The following TRPM4 variants were observed in gnomAD, a reference collection of about 807,000 sequenced individuals.
TRPM4 encodes the protein transient receptor potential cation channel subfamily M member 4.
A neutral mutation model predicts 135.6 loss-of-function variants in TRPM4; 124 were observed. The ratio of observed to expected loss-of-function variants is 0.91; its 90% CI spans 0.79 to 1.06. The LOEUF (loss-of-function observed/expected upper bound fraction) is 1.06, where lower values mean the gene tolerates loss of function less well. TRPM4 is among the 50% of genes least tolerant of loss of function. The pLI is 0.00. For missense variants in TRPM4, 1,658 were observed against 1,671.4 expected, an observed-to-expected ratio of 0.99 and a Z score of 0.14; for synonymous variants, 745 against 705.6, an observed-to-expected ratio of 1.06 and a Z score of -0.88.
At chr19:49,189,246 C>T (rs1310316930) in intron 14 of TRPM4, among the ~76,000 whole-genome samples, 155 bp downstream of exon 14, 2 of 152,222 alleles carry the variant, frequency 1.3e-5, no homozygotes, top group Non-Finnish European at 1.5e-5. Context: ...AGAAAGGCTG[C>T]TCTTCCCATA....
chr19:49,182,831 T>A lies in TRPM4; in HGVS notation c.1517T>A (p.Val506Glu). ...AELRPPDVGH[V>E]LRMLLGKMCA... is the part of the protein sequence containing the mutation. ...CTCCGGCCCCCTGACGTGGGGCATG[T>A]GCTGAGGATGCTGCTGGGGAAGATG... is the stretch of plus-strand genomic sequence containing the variant. Residue 506 changes from valine (V) to glutamate (E), a missense_variant, in exon 11 of 25, where the codon GTG becomes GAG. Transcript: ENST00000252826. 1 of 1,613,002 alleles carries A rather than the reference T, an allele frequency of 6.2e-7. No homozygotes were observed. Among genetic ancestry groups the A allele is most frequent in the South Asian group, 1.1e-5 (1 of 91,038 alleles).
At chr19:49,200,463 G>A (rs1408322721) in intron 18 of TRPM4, 31 bp downstream of exon 18, 3 of 1,608,280 alleles carry the variant, frequency 1.9e-6, no homozygotes, top group African/African-American at 1.3e-5. Context: ...AAGTGGGCGG[G>A]GACATAGGGA....
chr19:49,182,553 T>C (rs1968019655), intron 10 of TRPM4, 25 bp from the exon 11 acceptor site: 4 of 1,598,972 alleles, frequency 2.5e-6, no homozygotes, highest in Non-Finnish European at 2.6e-6. Context: ...GCTAATCTCT[T>C]CCCCTATTCA....
intron 20 of TRPM4, among the ~76,000 whole-genome samples, chr19:49,204,105 G>A (rs2145979372): frequency 6.6e-6 from 1 of 152,312 alleles, no homozygotes; most frequent in South Asian, 2.1e-4. Context: ...GGGCAACAGA[G>A]CGAGACTCCA....
chr19:49,204,146 C>T (rs1324286504), intron 20 of TRPM4, among the ~76,000 whole-genome samples: 1 of 152,170 alleles, frequency 6.6e-6, no homozygotes, highest in South Asian at 2.1e-4. Flanking sequence ...ATTTGATTTA[C>T]CCGCTCATCT....
rs755397270 is a variant in TRPM4, at chr19:49,183,240, C to A, written c.1743+28C>A. The A allele has an allele frequency of 1.9e-6, 3 of 1,613,806 alleles. No homozygotes were observed. In the Admixed American group the frequency reaches 5.0e-5, roughly 27 times the overall value. On this transcript the variant is annotated intron_variant, in intron 12 of 24. Coordinates refer to ENST00000252826, the MANE Select transcript of TRPM4 (RefSeq NM_017636.4). ...GAGTGCTGACTTGGCGCTCCTGCAT[C>A]CCTGTCCTTTAGGCCACTGGATGCC...
At chr19:49,202,264 G>A (rs1373196585) in intron 20 of TRPM4, 123 bp downstream of exon 20, 3 of 1,201,638 alleles carry the variant, frequency 2.5e-6, no homozygotes, top group East Asian at 2.4e-5. Flanking sequence ...ATCTAATGCT[G>A]CCTTCTCCCC....
At chr19:49,174,345 G>C (rs562132919) in intron 9 of TRPM4, among the ~76,000 whole-genome samples, 1 of 151,980 alleles carries the variant, frequency 6.6e-6, no homozygotes, top group African/African-American at 2.4e-5. Context: ...TAGAGACGGT[G>C]TTTCACCATG....
chr19:49,171,209 T>TA lies in TRPM4; in HGVS notation c.797-141dup. ...TTTCTAAAATAAATACATAATTAAG[T>TA]AAAAAAAGAAATGACAATTCCAATG... On this transcript the variant is annotated intron_variant, in intron 6 of 24. Coordinates refer to ENST00000252826, the MANE Select transcript of TRPM4 (RefSeq NM_017636.4). The surrounding 1 kb of genome is among the most constrained non-coding windows in gnomAD (Gnocchi z 4.7). 4.5e-6 allele frequency: 4 copies of TA among 880,254 alleles called. No homozygotes were observed. Among genetic ancestry groups the TA allele is most frequent in the South Asian group, 3.0e-5 (2 of 67,652 alleles). 54.5% of individuals were successfully genotyped at this position (880,254 alleles called of 1,614,324 possible). A position where few individuals can be genotyped will look rare whatever the true frequency, so the allele number is the denominator to read the frequency against.
Position 49,211,111 on chromosome 19 carries a change from G to C in TRPM4, c.3534+24G>C. 1 of 1,613,386 alleles carries C rather than the reference G, an allele frequency of 6.2e-7. No individual in the cohort carries two copies. The highest frequency in any genetic ancestry group is 1.1e-5 in the South Asian group (1 of 90,864). ...AGGTGAGGCCTTGGGGCCTGGCTGG[G>C]GGACTGTGGCAGGGGTCCCATCTCC... On this transcript the variant is annotated intron_variant, in intron 23 of 24. Transcript: ENST00000252826. This position sits in a 1 kb window ranked among gnomAD's most constrained non-coding sequence, Gnocchi z 4.8.
intron 9 of TRPM4, among the ~76,000 whole-genome samples, chr19:49,179,261 G>C (rs571474056): frequency 1.3e-5 from 2 of 150,460 alleles, no homozygotes; most frequent in African/African-American, 2.5e-5. Flanking sequence ...CTCCATGTTG[G>C]TCAGGCTGGT....
chr19:49,195,396 A>G (rs1439327625), intron 16 of TRPM4, among the ~76,000 whole-genome samples: 4 of 151,130 alleles, frequency 2.6e-5, no homozygotes, highest in Non-Finnish European at 5.9e-5. Flanking sequence ...TTTGAGACGG[A>G]GTTTTGCTCT....
At chr19:49,184,931 C>CT (rs67365636) in intron 12 of TRPM4, among the ~76,000 whole-genome samples, 5,129 of 146,134 alleles carry the variant, frequency 0.035, 147 homozygotes, top group African/African-American at 0.07. Flanking sequence ...GTGTTTTTTT[C>CT]TTTTTTTTTT....
intron 2 of TRPM4, among the ~76,000 whole-genome samples, chr19:49,162,945 A>G (rs1357173714): frequency 6.6e-6 from 1 of 151,938 alleles, no homozygotes; most frequent in African/African-American, 2.4e-5. Context: ...TATTTTTAGT[A>G]GAAACAGGGT....
intron 9 of TRPM4, 42 bp downstream of exon 9, chr19:49,172,150 A>G (rs750444165): frequency 4.9e-6 from 7 of 1,442,226 alleles, no homozygotes; most frequent in South Asian, 2.3e-5. Context: ...TCTCAGTTCA[A>G]CCTTAGACAC....
intron 9 of TRPM4, among the ~76,000 whole-genome samples, chr19:49,176,712 G>A (rs962568743): frequency 1.3e-5 from 2 of 152,138 alleles, no homozygotes; most frequent in African/African-American, 2.4e-5. Context: ...ATTAGCTGGC[G>A]TGGTGGCGGG....
chr19:49,166,023 C>T lies in TRPM4; in HGVS notation c.93-18C>T, dbSNP rs150300993. On this transcript the variant is annotated intron_variant, in intron 2 of 24. Coordinates refer to ENST00000252826, the MANE Select transcript of TRPM4 (RefSeq NM_017636.4). ...CGGGGGGCAGCCCTGGGTTCACGCT[C>T]CGCCCTCGCACCCCCAGAGGGACCT... The T allele has an allele frequency of 5.3e-4, 839 of 1,576,220 alleles. 5 individuals carry two copies. In the African/African-American group the frequency reaches 9.5e-3, roughly 18 times the overall value.
At chr19:49,190,849 G>A in intron 16 of TRPM4, 76 bp downstream of exon 16, 1 of 1,318,888 alleles carries the variant, frequency 7.6e-7, no homozygotes, top group Non-Finnish European at 1.1e-6. Flanking sequence ...TCCACGTTGT[G>A]TTAGTCCCCT....
chr19:49,168,828 G>T (rs1967342907), intron 6 of TRPM4, 92 bp downstream of exon 6: 3 of 1,348,626 alleles, frequency 2.2e-6, no homozygotes. Flanking sequence ...GTCGAGATTT[G>T]GGGAATTACC....
Sources: gnomAD v4.1 joint callset for allele counts (sites outside exome capture counted in the v4.1 genomes callset) on GRCh38, gnomAD v4.1.1 for gene constraint, Gnocchi (gnomAD v3.1) non-coding constraint, MANE v1.5 for transcripts, NCBI Gene and HGNC (gene_info 2026-07-23, HGNC 2026-07-21) for gene names.